SOX6: variants seen among roughly 807,000 people sequenced by gnomAD.
SOX6 encodes the protein SRY-box transcription factor 6, also known as transcription factor SOX-6.
SOX6 carries 11 observed loss-of-function variants against 97.8 expected under a neutral mutation model. That is an observed-to-expected ratio of 0.11 (90% CI 0.07 to 0.19). The LOEUF is 0.19. SOX6 is among the 10% of genes least tolerant of loss of function. The pLI is 1.00. For missense variants in SOX6, 810 were observed against 1,039.5 expected (o/e 0.78, Z 3.04); for synonymous variants, 360 against 371.4 (o/e 0.97, Z 0.35).
chr11:16,159,859 T>C (rs1850700393), intron 6 of SOX6, among the ~76,000 whole-genome samples: 1 of 152,102 alleles, frequency 6.6e-6, no homozygotes, highest in African/African-American at 2.4e-5. Context: ...ACCAAATGTA[T>C]GTAAAGTGGC....
At chr11:15,975,758 T>C (rs1853460271) in intron 15 of SOX6, among the ~76,000 whole-genome samples, 1 of 152,144 alleles carries the variant, frequency 6.6e-6, no homozygotes. Flanking sequence ...AATCAGGAGT[T>C]GAACCTTCCC....
chr11:16,531,685 C>G (rs536822228), intron 4 of SOX6, among the ~76,000 whole-genome samples: 38 of 152,016 alleles, frequency 2.5e-4, no homozygotes, highest in African/African-American at 9.1e-4. Flanking sequence ...ATAATATCCA[C>G]TCGCAGACTT....
chr11:16,709,048 A>G (rs1848157401), intron 3 of SOX6, among the ~76,000 whole-genome samples: 1 of 152,130 alleles, frequency 6.6e-6, no homozygotes, highest in South Asian at 2.1e-4. Flanking sequence ...ATCTTGTACA[A>G]CTCTAAAAGT....
chr11:16,568,882 C>T (rs957779088), intron 4 of SOX6, among the ~76,000 whole-genome samples: 1 of 152,142 alleles, frequency 6.6e-6, no homozygotes, highest in Non-Finnish European at 1.5e-5. Context: ...CCTTCTTAAC[C>T]TTCTCTCTCC....
chr11:16,562,973 G>C (rs988092162), intron 4 of SOX6, among the ~76,000 whole-genome samples: 6 of 151,934 alleles, frequency 3.9e-5, no homozygotes, highest in African/African-American at 1.5e-4. Flanking sequence ...GCTAAAACAA[G>C]TTTACAAAAG....
At chr11:16,209,103 A>T (rs1372761290) in intron 4 of SOX6, among the ~76,000 whole-genome samples, 5 of 152,228 alleles carry the variant, frequency 3.3e-5, no homozygotes, top group Non-Finnish European at 5.9e-5. Context: ...AAATACAAAA[A>T]ATTTATGAAA....
intron 3 of SOX6, among the ~76,000 whole-genome samples, chr11:16,626,364 A>T (rs540805458): frequency 1.2e-4 from 19 of 152,332 alleles, no homozygotes; most frequent in African/African-American, 4.1e-4. Flanking sequence ...TCAATTGACA[A>T]CATAAATGTG....
upstream of SOX6, among the ~76,000 whole-genome samples, chr11:16,358,446 C>T (rs150603363): frequency 5.9e-5 from 9 of 152,178 alleles, no homozygotes; most frequent in African/African-American, 2.2e-4. Flanking sequence ...AACAGGGTAA[C>T]TAAGGGGAAA....
chr11:16,426,372 A>T (rs1859133097), intron 1 of SOX6, among the ~76,000 whole-genome samples: 1 of 151,828 alleles, frequency 6.6e-6, no homozygotes, highest in Admixed American at 6.6e-5. Context: ...AAAAAGAATA[A>T]AGCTGAAAGT....
At chr11:16,355,705 T>C (rs968298832) in intron 1 of SOX6, among the ~76,000 whole-genome samples, 3 of 152,024 alleles carry the variant, frequency 2.0e-5, no homozygotes, top group Non-Finnish European at 4.4e-5. Context: ...TATTAGAAAC[T>C]AGCCGTGTAT....
At chr11:16,667,044 T>G (rs1847812042) in intron 3 of SOX6, among the ~76,000 whole-genome samples, 1 of 142,654 alleles carries the variant, frequency 7.0e-6, no homozygotes, top group African/African-American at 2.6e-5. Flanking sequence ...CATGGCAAAA[T>G]CCCATCTCTA....
rs1554976115 is a variant in SOX6 at position 16,583,627 on chromosome 11, A to ATATG, written n.609+28453_609+28454insCATA. Reference sequence around the variant, plus strand: ...TGTATATATATACATATATATATATATATATATATACACATACACACACCA... The same window carrying ATATG: ...TGTATATATATACATATATATATATATATGTATATATATACACATACACACACCA... On this transcript the variant is annotated intron_variant and non_coding_transcript_variant, in intron 4 of 5. Transcript: ENST00000524520. Among the ~76,000 whole-genome samples the ATATG allele has an allele frequency of 2.3e-4, 32 of 139,430 alleles. 1 individual carries two copies. The highest frequency in any genetic ancestry group is 2.2e-3 in the East Asian group (11 of 5,066). The allele number at this position is 139,430 out of a possible 152,430, so 91.5% of individuals were successfully genotyped here.
intron 4 of SOX6, among the ~76,000 whole-genome samples, chr11:16,201,855 G>A (rs1306886234): frequency 3.7e-5 from 5 of 135,132 alleles, no homozygotes; most frequent in African/African-American, 1.1e-4. Context: ...GGATGGTCTC[G>A]ATCTCCTGAC....
intron 15 of SOX6, among the ~76,000 whole-genome samples, chr11:15,983,181 T>G (rs572061053): frequency 6.6e-6 from 1 of 152,034 alleles, no homozygotes; most frequent in African/African-American, 2.4e-5. Context: ...CATATAATAG[T>G]GTGTTATACC....
At chr11:16,694,366 G>C (rs1848037406) in intron 3 of SOX6, among the ~76,000 whole-genome samples, 4 of 151,994 alleles carry the variant, frequency 2.6e-5, no homozygotes, top group Admixed American at 1.3e-4. Flanking sequence ...TGCCACTACA[G>C]AATCAAATTA....
chr11:16,293,051 AAGG>A (rs1854962561), intron 3 of SOX6, among the ~76,000 whole-genome samples: 1 of 152,196 alleles, frequency 6.6e-6, no homozygotes, highest in African/African-American at 2.4e-5. Flanking sequence ...AATAGGCACA[AAGG>A]AGAAAAAAAT....
intron 12 of SOX6, among the ~76,000 whole-genome samples, chr11:16,027,395 C>T (rs905717147): frequency 2.0e-5 from 3 of 152,172 alleles, no homozygotes; most frequent in African/African-American, 7.2e-5. Context: ...ACATTTCTTT[C>T]AAGTCCTGAA....
chr11:16,026,957 C>A (rs1855231029), intron 12 of SOX6, among the ~76,000 whole-genome samples: 1 of 152,128 alleles, frequency 6.6e-6, no homozygotes, highest in Non-Finnish European at 1.5e-5. Flanking sequence ...TAGTGTCCAA[C>A]TGTGGGGATA....
At chr11:16,112,384 C>T (rs1208855991) in intron 6 of SOX6, among the ~76,000 whole-genome samples, 2 of 152,060 alleles carry the variant, frequency 1.3e-5, no homozygotes, top group Non-Finnish European at 2.9e-5. Context: ...AGCTGTATCT[C>T]CCCAGTTTAG....
Sources: gnomAD v4.1 joint callset for allele counts (sites outside exome capture counted in the v4.1 genomes callset) on GRCh38, gnomAD v4.1.1 for gene constraint, MANE v1.5 for transcripts, NCBI Gene and HGNC (gene_info 2026-07-23, HGNC 2026-07-21) for gene names.